HSD17B7: variants seen among roughly 807,000 people sequenced by gnomAD.
HSD17B7 encodes the protein hydroxysteroid 17-beta dehydrogenase 7.
A neutral mutation model predicts 34.1 loss-of-function variants in HSD17B7; 17 were observed. The ratio of observed to expected loss-of-function variants is 0.50; its 90% CI spans 0.34 to 0.75. The LOEUF (loss-of-function observed/expected upper bound fraction) is 0.75. HSD17B7 is among the 30% of genes least tolerant of loss of function. The pLI is 0.01. For synonymous variants in HSD17B7, 122 were observed against 154.6 expected (o/e 0.79, Z 1.56); for missense variants, 296 against 406.6 (o/e 0.73, Z 2.34).
intron 7 of HSD17B7, among the ~76,000 whole-genome samples, chr1:162,805,144 T>C (rs1648938442): frequency 6.6e-6 from 1 of 152,258 alleles, no homozygotes; most frequent in Non-Finnish European, 1.5e-5. Context: ...GCTTTGATGC[T>C]CTTGTTTTGG....
At position 162,803,474 on chromosome 1, in the gene HSD17B7, A is replaced by G. The variant is rs780680589; in HGVS notation, c.686A>G (p.Asn229Ser). ...GCCTGTCCAGGTACAGCATTGACCA[A>G]TTTGACATATGGAATTCTGCCTCCG... is the stretch of plus-strand genomic sequence containing the variant. ...NVACPGTALT[N>S]LTYGILPPFI... The change falls in exon 6 of 9, where the codon AAT (asparagine) becomes AGT (serine). Residue 229 changes from asparagine to serine, a missense_variant. Transcript: ENST00000254521. The G allele has an allele frequency of 8.1e-6, 13 of 1,612,954 alleles. No individual in the cohort carries two copies. Among genetic ancestry groups the G allele is most frequent in the Middle Eastern group, 1.6e-4 (1 of 6,076 alleles).
chr1:162,805,574 C>G, intron 8 of HSD17B7, 82 bp downstream of exon 8: 1 of 1,550,988 alleles, frequency 6.4e-7, no homozygotes, highest in South Asian at 1.2e-5. Flanking sequence ...CCCCTCAGCC[C>G]CCCAGCTTCG....
intron 7 of HSD17B7, among the ~76,000 whole-genome samples, 174 bp downstream of exon 7, chr1:162,804,497 G>C (rs1648917465): frequency 6.6e-6 from 1 of 152,196 alleles, no homozygotes; most frequent in African/African-American, 2.4e-5. Flanking sequence ...AGAACATTAG[G>C]AGTGAAGTTT....
At chr1:162,798,458 G>T (rs1648693698) in intron 4 of HSD17B7, 1 of 152,794 alleles carries the variant, frequency 6.5e-6, no homozygotes, top group African/African-American at 2.4e-5. Context: ...TAGGTGTTTT[G>T]TAGACTCTCT....
chr1:162,804,133 C>G (rs1346848082), intron 6 of HSD17B7, 134 bp from the exon 7 acceptor site: 1 of 582,176 alleles, frequency 1.7e-6, no homozygotes, highest in East Asian at 2.9e-5. Flanking sequence ...TCTTTTTTGA[C>G]TTCTTTATTT....
At chr1:162,809,119 T>G (rs1320536669) in intron 8 of HSD17B7, among the ~76,000 whole-genome samples, 1 of 152,188 alleles carries the variant, frequency 6.6e-6, no homozygotes, top group Non-Finnish European at 1.5e-5. Context: ...CATAAATAGC[T>G]CTTATTATTT....
intron 7 of HSD17B7, among the ~76,000 whole-genome samples, chr1:162,805,142 G>A (rs1262794257): frequency 1.3e-5 from 2 of 152,222 alleles, no homozygotes; most frequent in East Asian, 3.8e-4. Context: ...TGGCTTTGAT[G>A]CTCTTGTTTT....
chr1:162,800,445 G>T (rs1648770562), intron 5 of HSD17B7: 1 of 372,862 alleles, frequency 2.7e-6, no homozygotes, highest in Admixed American at 3.4e-5. Context: ...TGTCATAGCA[G>T]ACGTTTATAG....
intron 5 of HSD17B7, among the ~76,000 whole-genome samples, chr1:162,801,537 T>G (rs919814178): frequency 2.6e-5 from 4 of 152,316 alleles, no homozygotes; most frequent in African/African-American, 9.6e-5. Context: ...TACATGTGGA[T>G]ATACATGAGT....
Position 162,812,360 on chromosome 1 carries a change from C to T in HSD17B7, c.966C>T (p.His322=). The change falls in exon 9 of 9, where the codon CAC becomes CAT. Residue 322 remains histidine (H), a synonymous_variant. Transcript: ENST00000254521. ...AAAAGTTACTGGAACTGGAAAAGCA[C>T]ATTAGGGTCACTATTCAAAAAACAG... ...FYQKLLELEK[H]IRVTIQKTDN... is the part of the protein sequence containing the mutation. 6.2e-7 allele frequency: 1 copy of T among 1,611,732 alleles called. No homozygotes were observed. Among genetic ancestry groups the T allele is most frequent in the Non-Finnish European group, 8.5e-7 (1 of 1,178,784 alleles).
At chr1:162,793,031 C>CATTT in intron 2 of HSD17B7, 169 bp downstream of exon 2, 2 of 351,944 alleles carry the variant, frequency 5.7e-6, no homozygotes, top group Non-Finnish European at 5.1e-6. Context: ...CGTTTTCTTT[C>CATTT]TTTTTTTTTT....
At chr1:162,797,715 G>C in intron 3 of HSD17B7, 87 bp from the exon 4 acceptor site, 1 of 1,539,060 alleles carries the variant, frequency 6.5e-7, no homozygotes, top group Non-Finnish European at 8.8e-7. Context: ...GTAGTTTATG[G>C]GTCGGGGGGA....
chr1:162,801,443 T>C (rs1648810713), intron 5 of HSD17B7, among the ~76,000 whole-genome samples: 2 of 152,316 alleles, frequency 1.3e-5, no homozygotes, highest in African/African-American at 4.8e-5. Flanking sequence ...GAAGATTGAC[T>C]GAGGGGGATC....
At chr1:162,803,579 T>C in intron 6 of HSD17B7, 44 bp downstream of exon 6, 1 of 1,593,474 alleles carries the variant, frequency 6.3e-7, no homozygotes. Flanking sequence ...TAAAAATCTC[T>C]TTTTGGGACC....
chr1:162,807,660 G>A (rs1201356842), intron 8 of HSD17B7, among the ~76,000 whole-genome samples: 5 of 151,974 alleles, frequency 3.3e-5, no homozygotes, highest in Non-Finnish European at 5.9e-5. Context: ...TTTAATGATC[G>A]CCATTCTAAC....
At chr1:162,796,185 T>C (rs1391272625) in intron 2 of HSD17B7, among the ~76,000 whole-genome samples, 1 of 152,182 alleles carries the variant, frequency 6.6e-6, no homozygotes. Flanking sequence ...ATGTGGATTT[T>C]TTTTTTAAAG....
intron 5 of HSD17B7, among the ~76,000 whole-genome samples, chr1:162,800,642 C>T (rs151132508): frequency 0.026 from 3,962 of 152,224 alleles, 166 homozygotes; most frequent in African/African-American, 0.09. Flanking sequence ...CTCTGTTGCC[C>T]AGGTCTAAAT....
chr1:162,792,570 C>T, intron 1 of HSD17B7, 89 bp from the exon 2 acceptor site: 1 of 1,517,556 alleles, frequency 6.6e-7, no homozygotes, highest in Middle Eastern at 2.3e-4. Context: ...TGGAGGTCAA[C>T]TTGACACAGT....
At position 162,804,279 on chromosome 1, in the gene HSD17B7, G is replaced by A; in HGVS notation, c.760G>A (p.Ala254Thr). 1 of 1,606,582 alleles carries A rather than the reference G, an allele frequency of 6.2e-7. No homozygotes were observed. Among genetic ancestry groups the A allele is most frequent in the Non-Finnish European group, 8.5e-7 (1 of 1,176,598 alleles). ...MPAILLLRFF[A>T]NAFTLTPYNG... ...TTCTTTTCCGCAGCTTCGCTTTTTT[G>A]CAAATGCATTCACTTTGACACCATA... Residue 254 changes from alanine to threonine, a missense_variant, in exon 7 of 9, where the codon GCA becomes ACA. Transcript: ENST00000254521.
Sources: gnomAD v4.1 joint callset for allele counts (sites outside exome capture counted in the v4.1 genomes callset) on GRCh38, gnomAD v4.1.1 for gene constraint, MANE v1.5 for transcripts, NCBI Gene and HGNC (gene_info 2026-07-23, HGNC 2026-07-21) for gene names.